MANBA: variants seen among roughly 807,000 people sequenced by gnomAD.
The protein encoded by MANBA is mannosidase beta.
A neutral mutation model predicts 111.1 loss-of-function variants in MANBA; 83 were observed. The observed-to-expected ratio is 0.75, with a 90% CI of 0.63 to 0.90. MANBA has a LOEUF of 0.90. MANBA is among the 40% of genes least tolerant of loss of function. The pLI is 0.00. For missense variants in MANBA, 1,036 were observed against 1,069.0 expected (o/e 0.97, Z 0.43); for synonymous variants, 370 against 378.7 (o/e 0.98, Z 0.27).
rs541481784 is a variant in MANBA at position 102,705,591 on chromosome 4, C to T, written c.673+8847G>A. Among the ~76,000 whole-genome samples the T allele has an allele frequency of 3.3e-5, 5 of 152,258 alleles. No individual in the cohort carries two copies. In the South Asian group the frequency reaches 8.3e-4, roughly 25 times the overall value. On this transcript the variant is annotated intron_variant, in intron 5 of 16. Coordinates refer to ENST00000647097, the MANE Select transcript of MANBA (RefSeq NM_005908.4). ...GGAGCGAAAGTGCATGCTCTCCAGT[C>T]ACCTATAGCTACTGCCACTGAAAGC...
chr4:102,703,045 A>C (rs889804709), intron 5 of MANBA, among the ~76,000 whole-genome samples: 2 of 152,238 alleles, frequency 1.3e-5, no homozygotes, highest in African/African-American at 4.8e-5. Context: ...AATTTAGAAA[A>C]GACAGTTACA....
chr4:102,699,135 C>T (rs1470931797), intron 5 of MANBA, among the ~76,000 whole-genome samples: 1 of 152,120 alleles, frequency 6.6e-6, no homozygotes, highest in Non-Finnish European at 1.5e-5. Context: ...AATGGGAGTT[C>T]ACTCATGATT....
Position 102,733,349 on chromosome 4 carries a change from A to ATT in MANBA, c.178-6668_178-6667dup, listed in dbSNP as rs563303596. On this transcript the variant is annotated intron_variant, in intron 1 of 16. Transcript: ENST00000647097. ...ACCTGAGTAAGGAAGTCCTCTCTGC[A>ATT]TTTTTTTTTTTTTTTTTTGAAACAG... Among the ~76,000 whole-genome samples the ATT allele has an allele frequency of 1.0e-2, 1,362 of 136,206 alleles. 17 individuals carry two copies. The highest frequency in any genetic ancestry group is 0.03 in the African/African-American group (1,112 of 36,648). 89.4% of individuals were successfully genotyped at this position (136,206 alleles called of 152,430 possible). A position where few individuals can be genotyped will look rare whatever the true frequency, so the allele number is the denominator to read the frequency against.
In MANBA at chr4:102,690,733, T is replaced by C; in HGVS notation, c.712A>G (p.Thr238Ala). Reference protein sequence around the residue: ...AQEWNLEIESTFDVVSSKPVG... With the variant: ...AQEWNLEIESAFDVVSSKPVG... The stretch of plus-strand genomic sequence containing the variant: ...GGCTTTGAGCTGACAACATCAAATG[T>C]AGACTCTATTTCCAGATTCCACTCC... Residue 238 changes from threonine (T) to alanine (A), a missense_variant, in exon 6 of 17, where the codon ACA (threonine) becomes GCA (alanine). By Grantham distance (58) the Thr-to-Ala change is moderately conservative. Transcript: ENST00000647097. 1.3e-6 allele frequency: 2 copies of C among 1,594,370 alleles called. No individual in the cohort carries two copies. Among genetic ancestry groups the C allele is most frequent in the Non-Finnish European group, 1.7e-6 (2 of 1,167,918 alleles).
At chr4:102,681,534 T>C (rs923804817) in intron 7 of MANBA, 1 of 152,126 alleles carries the variant, frequency 6.6e-6, no homozygotes, top group Admixed American at 6.6e-5. Context: ...AAATATGCAC[T>C]TACCAAGCAA....
At chr4:102,704,277 G>A (rs1191859942) in intron 5 of MANBA, among the ~76,000 whole-genome samples, 3 of 152,026 alleles carry the variant, frequency 2.0e-5, no homozygotes, top group African/African-American at 7.3e-5. Flanking sequence ...AATTTATTGG[G>A]CGGTTATAAT....
intron 16 of MANBA, among the ~76,000 whole-genome samples, chr4:102,633,654 C>A (rs1440601508): frequency 2.6e-5 from 4 of 152,140 alleles, no homozygotes; most frequent in Non-Finnish European, 5.9e-5. Context: ...AAGAAAGAGC[C>A]CTGCTTTTCT....
chr4:102,729,550 A>T (rs1422819562), intron 1 of MANBA: 1 of 869,108 alleles, frequency 1.2e-6, no homozygotes, highest in Non-Finnish European at 2.0e-6. Flanking sequence ...CTCCAGCTCT[A>T]CCTTGTTCAT....
chr4:102,666,508 G>T lies in MANBA; in HGVS notation c.1318-1656C>A, dbSNP rs562837682. The T allele has an allele frequency of 3.3e-5, 5 of 152,344 alleles. No individual in the cohort carries two copies. The East Asian group carries it at 5.8e-4, about 18-fold the overall frequency. 9.4% of individuals were successfully genotyped at this position (152,344 alleles called of 1,614,324 possible). A position where few individuals can be genotyped will look rare whatever the true frequency, so the allele number is the denominator to read the frequency against. ...GTGATGTGTGTCTCAAAAGGCAAAAGATTTTTCCCATGCTTAAGGTAAGAG... is the reference window on the plus strand; with the variant it reads ...GTGATGTGTGTCTCAAAAGGCAAAATATTTTTCCCATGCTTAAGGTAAGAG... On this transcript the variant is annotated intron_variant, in intron 10 of 16. Coordinates refer to ENST00000647097, the MANE Select transcript of MANBA (RefSeq NM_005908.4).
Position 102,734,433 on chromosome 4 carries a change from C to T in MANBA, c.178-7750G>A, listed in dbSNP as rs536336298. 2.3e-5 allele frequency: 37 copies of T among 1,607,948 alleles called. No individual in the cohort carries two copies. The South Asian group carries it at 3.6e-4, about 16-fold the overall frequency. On this transcript the variant is annotated intron_variant, in intron 1 of 16. Coordinates refer to ENST00000647097, the MANE Select transcript of MANBA (RefSeq NM_005908.4). ...CCTGGAGAACCTGCTATGGTACGGA[C>T]TCTTCCTGGGAGCCATCTTCCAGCT...
intron 11 of MANBA, among the ~76,000 whole-genome samples, chr4:102,661,418 C>A (rs886916536): frequency 6.6e-6 from 1 of 152,116 alleles, no homozygotes; most frequent in Non-Finnish European, 1.5e-5. Flanking sequence ...CCCACAGCAT[C>A]GGGAATGAGG....
Position 102,632,832 on chromosome 4 carries a change from G to A in MANBA, c.2416-551C>T, listed in dbSNP as rs370516660. 4.4e-4 allele frequency among the ~76,000 whole-genome samples: 67 copies of A among 152,202 alleles called. 1 individual carries two copies. Among genetic ancestry groups the A allele is most frequent in the African/African-American group, 1.6e-3 (67 of 41,456 alleles). Reference sequence around the variant, plus strand: ...TTACATGTGTGAATTCCACAAAATAGCAGCAAAAAGAGACAGTGCAATTTA... The same window carrying A: ...TTACATGTGTGAATTCCACAAAATAACAGCAAAAAGAGACAGTGCAATTTA... On this transcript the variant is annotated intron_variant, in intron 16 of 16. Coordinates refer to ENST00000647097, the MANE Select transcript of MANBA (RefSeq NM_005908.4).
chr4:102,633,425 TCTC>T (rs2110186880), intron 16 of MANBA: 1 of 398,582 alleles, frequency 2.5e-6, no homozygotes, highest in Non-Finnish European at 4.4e-6. Context: ...GGATTGGAAA[TCTC>T]CTCTCTGTAT....
intron 8 of MANBA, among the ~76,000 whole-genome samples, chr4:102,673,145 A>C (rs1044870373): frequency 6.6e-6 from 1 of 152,136 alleles, no homozygotes; most frequent in East Asian, 1.9e-4. Context: ...CCTCCACTAC[A>C]CACGAGATTT....
intron 12 of MANBA, among the ~76,000 whole-genome samples, chr4:102,653,128 C>T (rs1260222567): frequency 6.6e-6 from 1 of 152,002 alleles, no homozygotes; most frequent in African/African-American, 2.4e-5. Flanking sequence ...ATTTCATGGG[C>T]TCTCACTGTG....
At chr4:102,677,384 A>T (rs545065077) in intron 7 of MANBA, among the ~76,000 whole-genome samples, 1 of 152,346 alleles carries the variant, frequency 6.6e-6, no homozygotes, top group South Asian at 2.1e-4. Context: ...AGATGACATC[A>T]GTGGTGATAT....
intron 7 of MANBA, among the ~76,000 whole-genome samples, chr4:102,689,210 G>A (rs541061474): frequency 3.3e-5 from 5 of 152,028 alleles, no homozygotes; most frequent in African/African-American, 7.2e-5. Flanking sequence ...TTAGCTGGGC[G>A]TGGTGGCGGG....
At chr4:102,642,336 G>A (rs376340910) in intron 13 of MANBA, among the ~76,000 whole-genome samples, 2 of 152,186 alleles carry the variant, frequency 1.3e-5, no homozygotes, top group African/African-American at 2.4e-5. Context: ...GGCTGGGCGC[G>A]ATAGCTCATG....
chr4:102,743,020 G>T (rs1484650396), intron 1 of MANBA, among the ~76,000 whole-genome samples: 2 of 152,170 alleles, frequency 1.3e-5, no homozygotes, highest in African/African-American at 4.8e-5. Context: ...TTTGTTCATG[G>T]GCCCATTGGG....
Sources: gnomAD v4.1 joint callset for allele counts (sites outside exome capture counted in the v4.1 genomes callset) on GRCh38, gnomAD v4.1.1 for gene constraint, MANE v1.5 for transcripts, NCBI Gene and HGNC (gene_info 2026-07-23, HGNC 2026-07-21) for gene names.